The following ADCY2 variants were observed in gnomAD, a reference collection of about 807,000 sequenced individuals.
ADCY2 encodes the protein adenylate cyclase 2.
In ADCY2, 31 loss-of-function variants were observed where a neutral mutation model predicts 125.2. The ratio of observed to expected loss-of-function variants is 0.25; its 90% CI spans 0.19 to 0.33. ADCY2 has a LOEUF of 0.33. Ranked by LOEUF, ADCY2 falls within the 10% of genes least tolerant of loss-of-function variation. The pLI is 1.00. For synonymous variants in ADCY2, 512 were observed against 548.4 expected, an observed-to-expected ratio of 0.93 and a Z score of 0.93; for missense variants, 904 against 1,418.2, an observed-to-expected ratio of 0.64 and a Z score of 5.82.
chr5:7,772,364 T>TC (rs1431841347), intron 17 of ADCY2, among the ~76,000 whole-genome samples: 2 of 152,156 alleles, frequency 1.3e-5, no homozygotes, highest in Non-Finnish European at 2.9e-5. Flanking sequence ...CCTGTCAAAC[T>TC]CCCGGGGGGA....
At chr5:7,657,251 G>A (rs1281054456) in intron 4 of ADCY2, among the ~76,000 whole-genome samples, 1 of 152,222 alleles carries the variant, frequency 6.6e-6, no homozygotes, top group Non-Finnish European at 1.5e-5. Flanking sequence ...AGTTTGGAAA[G>A]TGTTAGTCCA....
chr5:7,426,490 T>C (rs1223134775), intron 2 of ADCY2, among the ~76,000 whole-genome samples: 1 of 152,192 alleles, frequency 6.6e-6, no homozygotes, highest in Non-Finnish European at 1.5e-5. Flanking sequence ...GGCAGCTATC[T>C]AAGCACTCCA....
At chr5:7,601,548 G>A (rs886194226) in intron 3 of ADCY2, among the ~76,000 whole-genome samples, 1 of 152,182 alleles carries the variant, frequency 6.6e-6, no homozygotes, top group Admixed American at 6.5e-5. Flanking sequence ...GCCCCAAGAG[G>A]CAAGCTCAGT....
intron 4 of ADCY2, among the ~76,000 whole-genome samples, chr5:7,663,557 G>A (rs1271165527): frequency 6.6e-6 from 1 of 152,210 alleles, no homozygotes; most frequent in Non-Finnish European, 1.5e-5. Context: ...ATCTCATGTT[G>A]GAGGAAATGA....
In ADCY2 at chr5:7,802,298, C is replaced by T. The variant is rs774455530; in HGVS notation, c.2709C>T (p.Ser903=). The change falls in exon 21 of 25, where the codon TCC becomes TCT. Residue 903 remains serine (S), a synonymous_variant. Coordinates refer to ENST00000338316, the MANE Select transcript of ADCY2 (RefSeq NM_020546.3). The surrounding 1 kb of genome is among the most constrained non-coding windows in gnomAD (Gnocchi z 4.6). ...IPDFKEFYTE[S]DVNKEGLECL... The stretch of plus-strand genomic sequence containing the variant: ...ATTTCAAAGAATTTTATACAGAATC[C>T]GACGTGAACAAGGAGGGCTTGGAAT... 15 of 1,614,132 alleles carry T rather than the reference C, an allele frequency of 9.3e-6. No homozygotes were observed. Among genetic ancestry groups the T allele is most frequent in the South Asian group, 4.4e-5 (4 of 91,076 alleles).
intron 2 of ADCY2, among the ~76,000 whole-genome samples, chr5:7,431,766 C>T (rs1229510347): frequency 6.6e-6 from 1 of 151,938 alleles, no homozygotes; most frequent in Non-Finnish European, 1.5e-5. Context: ...CTAGCAAAAC[C>T]TTCAAAAAAT....
At chr5:7,673,027 T>C (rs1560169) in intron 4 of ADCY2, among the ~76,000 whole-genome samples, 115,064 of 151,346 alleles carry the variant, frequency 0.76, 44,464 homozygotes, top group South Asian at 0.84. Flanking sequence ...ACATGCCTCC[T>C]TGGAAGGGTC....
At chr5:7,417,366 G>C (rs746759573) in intron 2 of ADCY2, among the ~76,000 whole-genome samples, 1 of 152,064 alleles carries the variant, frequency 6.6e-6, no homozygotes, top group Non-Finnish European at 1.5e-5. Flanking sequence ...TCTGGGTTCT[G>C]TTAGTTGATC....
intron 17 of ADCY2, among the ~76,000 whole-genome samples, chr5:7,767,734 T>C (rs1743430944): frequency 6.6e-6 from 1 of 152,106 alleles, no homozygotes; most frequent in African/African-American, 2.4e-5. Flanking sequence ...CATGCACAGA[T>C]AGAAGTGGCT....
chr5:7,592,358 A>G (rs1736872533), intron 3 of ADCY2, among the ~76,000 whole-genome samples: 1 of 152,204 alleles, frequency 6.6e-6, no homozygotes, highest in Non-Finnish European at 1.5e-5. Context: ...CTTTGTTATT[A>G]ATAATGATGG....
intron 8 of ADCY2, among the ~76,000 whole-genome samples, 180 bp from the exon 9 acceptor site, chr5:7,707,526 G>C (rs1275155792): frequency 6.6e-6 from 1 of 152,180 alleles, no homozygotes; most frequent in Non-Finnish European, 1.5e-5. Context: ...AAAACTAGTA[G>C]TGCACGACCT....
At chr5:7,737,699 C>T (rs74350017) in intron 14 of ADCY2, among the ~76,000 whole-genome samples, 2,395 of 152,132 alleles carry the variant, frequency 0.016, 55 homozygotes, top group African/African-American at 0.055. Flanking sequence ...GCAAGAATCT[C>T]TATGAACATC....
At chr5:7,596,683 G>A (rs945794199) in intron 3 of ADCY2, among the ~76,000 whole-genome samples, 2 of 152,068 alleles carry the variant, frequency 1.3e-5, no homozygotes, top group East Asian at 1.9e-4. Context: ...AATATACAGC[G>A]CTGGAAACAG....
chr5:7,404,398 A>G (rs1235598802), intron 1 of ADCY2, among the ~76,000 whole-genome samples: 1 of 152,176 alleles, frequency 6.6e-6, no homozygotes. Flanking sequence ...AAACAACTCC[A>G]AAGTCTTCCT....
intron 12 of ADCY2, among the ~76,000 whole-genome samples, chr5:7,720,908 A>G (rs911885878): frequency 6.6e-6 from 1 of 152,198 alleles, no homozygotes; most frequent in Non-Finnish European, 1.5e-5. Context: ...TTGGGTATAT[A>G]CCCAGTAATG....
At chr5:7,693,312 G>T (rs530109113) in intron 5 of ADCY2, among the ~76,000 whole-genome samples, 1 of 151,922 alleles carries the variant, frequency 6.6e-6, no homozygotes, top group South Asian at 2.1e-4. Flanking sequence ...CAGGCTCTAG[G>T]TGGGGTTTTC....
intron 3 of ADCY2, among the ~76,000 whole-genome samples, chr5:7,574,472 A>G (rs1736180741): frequency 1.3e-5 from 2 of 152,186 alleles, no homozygotes; most frequent in Admixed American, 1.3e-4. Flanking sequence ...ATGGGGCAAG[A>G]GAAAAAAAAC....
intron 3 of ADCY2, among the ~76,000 whole-genome samples, chr5:7,607,900 C>A (rs1354019066): frequency 6.6e-6 from 1 of 152,144 alleles, no homozygotes; most frequent in Non-Finnish European, 1.5e-5. Context: ...ATGATGTAAT[C>A]ACACCAAAGA....
intron 17 of ADCY2, among the ~76,000 whole-genome samples, chr5:7,769,601 A>G (rs1485970393): frequency 1.3e-5 from 2 of 152,116 alleles, no homozygotes; most frequent in African/African-American, 4.8e-5. Flanking sequence ...CTGGTGTATT[A>G]TTTCTCTAGT....
Sources: allele counts gnomAD v4.1 joint callset (sites outside exome capture counted in the v4.1 genomes callset), GRCh38; gene constraint gnomAD v4.1.1; non-coding constraint Gnocchi (gnomAD v3.1); transcripts MANE v1.5; gene names NCBI Gene and HGNC (gene_info 2026-07-23, HGNC 2026-07-21).